PTPRD: variants seen among roughly 807,000 people sequenced by gnomAD.
PTPRD encodes the protein receptor-type tyrosine-protein phosphatase delta.
In PTPRD, 34 loss-of-function variants were observed where a neutral mutation model predicts 214.5. The ratio of observed to expected loss-of-function variants is 0.16; its 90% CI spans 0.12 to 0.21. The LOEUF (loss-of-function observed/expected upper bound fraction) is 0.21. PTPRD is among the 10% of genes least tolerant of loss of function. The pLI is 1.00. For synonymous variants in PTPRD, 1,128 were observed against 845.7 expected (o/e 1.33, Z -5.79); for missense variants, 2,545 against 2,398.7 (o/e 1.06, Z -1.27).
chr9:9,112,734 TAAC>T (rs1434934509), intron 10 of PTPRD, among the ~76,000 whole-genome samples: 4 of 152,258 alleles, frequency 2.6e-5, no homozygotes, highest in Non-Finnish European at 5.9e-5. Flanking sequence ...ATTTTAGTCT[TAAC>T]AAAATTGTGA....
intron 5 of PTPRD, among the ~76,000 whole-genome samples, chr9:9,810,969 C>T (rs752705766): frequency 1.8e-4 from 28 of 151,786 alleles, no homozygotes; most frequent in Non-Finnish European, 3.7e-4. Context: ...CAGGTGCACT[C>T]GCTCACGTCT....
At chr9:9,994,474 C>G (rs80248754) in intron 4 of PTPRD, among the ~76,000 whole-genome samples, 1,848 of 152,152 alleles carry the variant, frequency 0.012, 44 homozygotes, top group African/African-American at 0.041. Flanking sequence ...TTATCTCCCT[C>G]CCTAGGATAT....
intron 10 of PTPRD, among the ~76,000 whole-genome samples, chr9:9,064,339 T>G (rs980208349): frequency 5.9e-5 from 9 of 152,288 alleles, no homozygotes; most frequent in African/African-American, 2.2e-4. Context: ...GTTGGGTAAT[T>G]TGTATATAGG....
At position 10,327,777 on chromosome 9, in the gene PTPRD, C is replaced by G. The variant is rs1451698068; in HGVS notation, c.-545+13186G>C. Among the ~76,000 whole-genome samples, 4 of 151,604 alleles carry G rather than the reference C, an allele frequency of 2.6e-5. No individual in the cohort carries two copies. The East Asian group carries it at 7.8e-4, about 30-fold the overall frequency. ...ATACTCATTTTCCAGTCATTTACAT[C>G]AGGACAAGAATTTCTAGAACTCAAA... On this transcript the variant is annotated intron_variant, in intron 3 of 45. Transcript: ENST00000381196.
chr9:9,502,552 C>A (rs1019929355), intron 8 of PTPRD, among the ~76,000 whole-genome samples: 1 of 151,896 alleles, frequency 6.6e-6, no homozygotes, highest in African/African-American at 2.4e-5. Context: ...CTTACACATT[C>A]ACTGAGTATA....
intron 2 of PTPRD, among the ~76,000 whole-genome samples, chr9:10,562,572 T>C (rs939850446): frequency 2.0e-5 from 3 of 152,166 alleles, no homozygotes; most frequent in Non-Finnish European, 2.9e-5. Context: ...TTTTATTATA[T>C]TGATATCACA....
chr9:9,958,179 G>C (rs2094093566), intron 4 of PTPRD, among the ~76,000 whole-genome samples: 1 of 152,176 alleles, frequency 6.6e-6, no homozygotes, highest in Non-Finnish European at 1.5e-5. Flanking sequence ...GAAGTTTTCA[G>C]ATACAGTACC....
At chr9:10,375,470 G>A (rs2097710320) in intron 2 of PTPRD, among the ~76,000 whole-genome samples, 1 of 151,990 alleles carries the variant, frequency 6.6e-6, no homozygotes, top group African/African-American at 2.4e-5. Context: ...TTTATAGCAA[G>A]TGAGGAGAAG....
rs182840898 is a variant in PTPRD, at chr9:9,656,856, T to C, written c.-287+77677A>G. On this transcript the variant is annotated intron_variant, in intron 7 of 45. Transcript: ENST00000381196. ...TGTTGATAGTGGGAAAGGTTGTAGG[T>C]GAATAGGAAAAGATATATATATATA... Among the ~76,000 whole-genome samples the C allele has an allele frequency of 2.5e-3, 373 of 151,946 alleles. 1 individual carries two copies. The highest frequency in any genetic ancestry group is 8.6e-3 in the African/African-American group (357 of 41,392).
intron 10 of PTPRD, among the ~76,000 whole-genome samples, chr9:9,066,899 A>G (rs2099735436): frequency 6.6e-6 from 1 of 152,170 alleles, no homozygotes; most frequent in African/African-American, 2.4e-5. Flanking sequence ...GTGAGAGAAT[A>G]AATTTCTGTT....
intron 9 of PTPRD, among the ~76,000 whole-genome samples, chr9:9,335,682 CT>C (rs1279863584): frequency 6.6e-6 from 1 of 152,020 alleles, no homozygotes; most frequent in Non-Finnish European, 1.5e-5. Flanking sequence ...TCTTTCTTTA[CT>C]TTTTTATTCC....
intron 9 of PTPRD, among the ~76,000 whole-genome samples, chr9:9,390,551 T>C (rs561221737): frequency 6.6e-6 from 1 of 152,236 alleles, no homozygotes; most frequent in East Asian, 1.9e-4. Flanking sequence ...AAGAAAATAA[T>C]TTTAAAAATT....
intron 2 of PTPRD, among the ~76,000 whole-genome samples, chr9:10,527,701 A>T (rs1482287511): frequency 6.6e-6 from 1 of 152,154 alleles, no homozygotes; most frequent in Admixed American, 6.6e-5. Flanking sequence ...AAGAAGATTC[A>T]CACTGATAAT....
intron 3 of PTPRD, among the ~76,000 whole-genome samples, chr9:10,074,386 A>T (rs1331494214): frequency 2.0e-5 from 3 of 152,128 alleles, no homozygotes; most frequent in Non-Finnish European, 4.4e-5. Flanking sequence ...ATAAAAGAAT[A>T]TGGCTCTATT....
chr9:10,059,539 G>C (rs1666973815), intron 3 of PTPRD, among the ~76,000 whole-genome samples: 1 of 152,066 alleles, frequency 6.6e-6, no homozygotes, highest in South Asian at 2.1e-4. Context: ...AGAGAAAGAG[G>C]TTTTATTTAT....
chr9:8,674,341 C>T (rs552383003), intron 12 of PTPRD, among the ~76,000 whole-genome samples: 81 of 151,486 alleles, frequency 5.3e-4, no homozygotes, highest in African/African-American at 1.9e-3. Context: ...GCCTGTAGTC[C>T]CAGGCACTCA....
At chr9:9,496,531 A>G (rs866607712) in intron 8 of PTPRD, among the ~76,000 whole-genome samples, 8 of 152,176 alleles carry the variant, frequency 5.3e-5, no homozygotes, top group Non-Finnish European at 1.0e-4. Flanking sequence ...ATATGGTAAC[A>G]CACCCATAAG....
intron 3 of PTPRD, among the ~76,000 whole-genome samples, chr9:10,057,719 T>A (rs750398820): frequency 6.6e-6 from 1 of 151,878 alleles, no homozygotes; most frequent in Non-Finnish European, 1.5e-5. Context: ...TGCACGTGTC[T>A]GTAGTCCCAG....
chr9:9,309,406 G>C (rs1958183476), intron 9 of PTPRD, among the ~76,000 whole-genome samples: 1 of 152,074 alleles, frequency 6.6e-6, no homozygotes, highest in African/African-American at 2.4e-5. Context: ...TGCTAGCAAT[G>C]ATGCCAAAAC....
Sources: gnomAD v4.1 joint callset for allele counts (sites outside exome capture counted in the v4.1 genomes callset) on GRCh38, gnomAD v4.1.1 for gene constraint, MANE v1.5 for transcripts, NCBI Gene and HGNC (gene_info 2026-07-23, HGNC 2026-07-21) for gene names.